Variants in RAP1A observed in about 807,000 individuals in gnomAD.
RAP1A encodes RAP1A, member of RAS oncogene family.
In RAP1A, 6 loss-of-function variants were observed where a neutral mutation model predicts 26.4. The observed-to-expected ratio is 0.23, with a 90% CI of 0.12 to 0.45. The LOEUF (loss-of-function observed/expected upper bound fraction) is 0.45, where lower values mean the gene tolerates loss of function less well. RAP1A is among the 20% of genes least tolerant of loss of function. The probability of loss-of-function intolerance (pLI) is 0.99; values close to 1 mark genes in which losing one functional copy is unlikely to be tolerated. For missense variants in RAP1A, 121 were observed against 217.2 expected (o/e 0.56, Z 2.78); for synonymous variants, 73 against 79.4 (o/e 0.92, Z 0.43).
At chr1:111,685,253 C>T (rs540733225) in intron 1 of RAP1A, among the ~76,000 whole-genome samples, 10 of 152,128 alleles carry the variant, frequency 6.6e-5, no homozygotes, top group East Asian at 5.8e-4. Context: ...GCAATGGCAA[C>T]GAAAGCCAAA....
At chr1:111,598,229 A>G (rs377618728) in intron 1 of RAP1A, among the ~76,000 whole-genome samples, 3 of 152,224 alleles carry the variant, frequency 2.0e-5, no homozygotes, top group African/African-American at 7.2e-5. Flanking sequence ...AATAGCTAAC[A>G]TTTGTTGAGT....
At chr1:111,689,161 G>A (rs959285641) in intron 1 of RAP1A, among the ~76,000 whole-genome samples, 2 of 151,940 alleles carry the variant, frequency 1.3e-5, no homozygotes, top group Admixed American at 6.6e-5. Flanking sequence ...ATCAAATTTC[G>A]AAAATGTCAT....
chr1:111,652,626 A>G (rs1238413918), intron 1 of RAP1A, among the ~76,000 whole-genome samples: 2 of 152,148 alleles, frequency 1.3e-5, no homozygotes, highest in African/African-American at 4.8e-5. Flanking sequence ...AAATATAAAC[A>G]GAGACCTTAG....
At chr1:111,655,699 G>A (rs1660434265) in intron 1 of RAP1A, among the ~76,000 whole-genome samples, 1 of 115,808 alleles carries the variant, frequency 8.6e-6, no homozygotes, top group Non-Finnish European at 1.6e-5. Flanking sequence ...ACGGAATCTC[G>A]CTCTGTCGCC....
intron 1 of RAP1A, among the ~76,000 whole-genome samples, chr1:111,581,722 G>A (rs1386630470): frequency 6.6e-6 from 1 of 152,176 alleles, no homozygotes; most frequent in Non-Finnish European, 1.5e-5. Flanking sequence ...TGTAGGTACT[G>A]CAGACTCAAA....
At chr1:111,642,181 G>C (rs1015097798) in intron 1 of RAP1A, among the ~76,000 whole-genome samples, 6 of 152,060 alleles carry the variant, frequency 3.9e-5, no homozygotes, top group African/African-American at 1.2e-4. Context: ...GGAGGCGGAG[G>C]TTGCAGTGAG....
intron 7 of RAP1A, among the ~76,000 whole-genome samples, chr1:111,711,262 C>G (rs1352339321): frequency 6.6e-6 from 1 of 152,068 alleles, no homozygotes; most frequent in Non-Finnish European, 1.5e-5. Context: ...TTCTTAAATA[C>G]TATATTATTT....
At chr1:111,620,087 G>C (rs1168861022) in intron 1 of RAP1A, among the ~76,000 whole-genome samples, 153 bp downstream of exon 1, 1 of 152,120 alleles carries the variant, frequency 6.6e-6, no homozygotes, top group South Asian at 2.1e-4. Context: ...GCGGCCCGGG[G>C]GCCTGGCCGG....
At chr1:111,697,324 A>G in intron 3 of RAP1A, 117 bp from the exon 4 acceptor site, 2 of 1,558,744 alleles carry the variant, frequency 1.3e-6, no homozygotes, top group Non-Finnish European at 1.7e-6. Context: ...ATTACAGCAT[A>G]CTGCTGGAGA....
At chr1:111,585,135 T>A (rs1036344316) in intron 1 of RAP1A, among the ~76,000 whole-genome samples, 1 of 152,228 alleles carries the variant, frequency 6.6e-6, no homozygotes, top group Non-Finnish European at 1.5e-5. Flanking sequence ...TCACCTCTGT[T>A]GCCGATTTAA....
intron 1 of RAP1A, among the ~76,000 whole-genome samples, chr1:111,675,474 A>C (rs909205600): frequency 1.7e-5 from 2 of 116,630 alleles, no homozygotes; most frequent in South Asian, 3.0e-4. Flanking sequence ...TCTGTCTAAA[A>C]AAAACAAAAC....
chr1:111,557,267 G>A (rs1657531833), intron 1 of RAP1A, among the ~76,000 whole-genome samples: 1 of 152,154 alleles, frequency 6.6e-6, no homozygotes, highest in Non-Finnish European at 1.5e-5. Flanking sequence ...TCTTACAGAA[G>A]GCCAGGCGTG....
Position 111,561,361 on chromosome 1 carries a change from C to T in RAP1A, c.-28+18852C>T, listed in dbSNP as rs114662055. Among the ~76,000 whole-genome samples, 1,087 of 152,246 alleles carry T rather than the reference C, an allele frequency of 7.1e-3. 14 individuals are homozygous for T. Among genetic ancestry groups the T allele is most frequent in the African/African-American group, 0.024 (991 of 41,532 alleles). The stretch of plus-strand genomic sequence containing the variant: ...CTGGTCTCAAACTCCTGGGCTCAAG[C>T]GATCCGCTTGTCTCAGCCTCTCAGT... On this transcript the variant is annotated intron_variant, in intron 1 of 7. Transcript: ENST00000356415.
chr1:111,681,545 G>A (rs1661294656), intron 1 of RAP1A, among the ~76,000 whole-genome samples: 1 of 152,164 alleles, frequency 6.6e-6, no homozygotes, highest in South Asian at 2.1e-4. Context: ...CGAGAACTTT[G>A]TGAAGCATAC....
rs1299340570 is a variant in RAP1A, at chr1:111,619,807, CCTGCCGCCGCCGCTCCCG to C, written c.-150_-133del. On this transcript the variant is annotated 5_prime_UTR_variant, in exon 1 of 8. Transcript: ENST00000369709. ...AGGCGCCGCCGCCGCTCCCGAGGCC[CCTGCCGCCGCCGCTCCCG>C]CTGCTGTCGCCGCGCAGAGCCGGAG... 2 of 398,948 alleles carry C rather than the reference CCTGCCGCCGCCGCTCCCG, an allele frequency of 5.0e-6. No homozygotes were observed. The highest frequency in any genetic ancestry group is 8.8e-6 in the Non-Finnish European group (2 of 226,838). The allele number at this position is 398,948 out of a possible 1,614,324, so 24.7% of individuals were successfully genotyped here.
chr1:111,710,146 GTCT>G (rs141498633), intron 7 of RAP1A, among the ~76,000 whole-genome samples: 8,972 of 152,238 alleles, frequency 0.059, 606 homozygotes, highest in African/African-American at 0.16. Context: ...GATATTGTCA[GTCT>G]TCTTAACTTG....
At chr1:111,647,551 A>C (rs1660110332) in intron 1 of RAP1A, among the ~76,000 whole-genome samples, 1 of 152,172 alleles carries the variant, frequency 6.6e-6, no homozygotes, top group Middle Eastern at 3.2e-3. Context: ...GATAAACGTA[A>C]CAGATATTTG....
chr1:111,565,110 C>T (rs1466552747), intron 1 of RAP1A, among the ~76,000 whole-genome samples: 1 of 152,120 alleles, frequency 6.6e-6, no homozygotes, highest in African/African-American at 2.4e-5. Context: ...GAAGGGTTTT[C>T]CAGGCACAGA....
At chr1:111,644,516 T>G (rs1660005014) in intron 1 of RAP1A, among the ~76,000 whole-genome samples, 1 of 152,144 alleles carries the variant, frequency 6.6e-6, no homozygotes, top group African/African-American at 2.4e-5. Flanking sequence ...CAGTGAAAGG[T>G]GGGTACACCT....
Sources: gnomAD v4.1 joint callset for allele counts (sites outside exome capture counted in the v4.1 genomes callset) on GRCh38, gnomAD v4.1.1 for gene constraint, MANE v1.5 for transcripts, NCBI Gene and HGNC (gene_info 2026-07-23, HGNC 2026-07-21) for gene names.